The following ALPK2 variants were observed in gnomAD, a reference collection of about 807,000 sequenced individuals.
ALPK2 encodes the protein alpha-protein kinase 2.
Under a neutral mutation model 163.1 loss-of-function variants are expected in ALPK2, and 127 were observed. The observed-to-expected ratio is 0.78, with a 90% CI of 0.67 to 0.90. The LOEUF (loss-of-function observed/expected upper bound fraction) is 0.90, where lower values mean the gene tolerates loss of function less well. Among genes scored for constraint, ALPK2 ranks in the 40% least tolerant of loss-of-function variants. ALPK2 has a pLI of 0.00. For synonymous variants in ALPK2, 953 were observed against 959.1 expected (o/e 0.99, Z 0.12); for missense variants, 2,360 against 2,589.6 (o/e 0.91, Z 1.92).
At chr18:58,618,124 C>A (rs903490138) in intron 1 of ALPK2, among the ~76,000 whole-genome samples, 5 of 152,230 alleles carry the variant, frequency 3.3e-5, no homozygotes, top group Non-Finnish European at 7.3e-5. Flanking sequence ...CGGGTCACGG[C>A]AACCTCCACC....
At chr18:58,514,352 T>G (rs1234399313) in intron 10 of ALPK2, among the ~76,000 whole-genome samples, 1 of 152,208 alleles carries the variant, frequency 6.6e-6, no homozygotes, top group Non-Finnish European at 1.5e-5. Flanking sequence ...AGTTCCAACA[T>G]GCACTAGCTA....
intron 4 of ALPK2, among the ~76,000 whole-genome samples, chr18:58,539,341 G>A (rs964213178): frequency 6.6e-6 from 1 of 152,156 alleles, no homozygotes; most frequent in Non-Finnish European, 1.5e-5. Context: ...AAAGGGGAGA[G>A]GGGGAGGGAG....
At chr18:58,558,301 C>T (rs2051805322) in intron 4 of ALPK2, among the ~76,000 whole-genome samples, 1 of 151,704 alleles carries the variant, frequency 6.6e-6, no homozygotes, top group Non-Finnish European at 1.5e-5. Context: ...GACTTAATAC[C>T]AAAAAAATGT....
intron 6 of ALPK2, 114 bp from the exon 7 acceptor site, chr18:58,524,176 G>T: frequency 7.1e-7 from 1 of 1,409,756 alleles, no homozygotes; most frequent in Non-Finnish European, 9.5e-7. Context: ...TTTTCAGCCA[G>T]TGAGCTGCCC....
chr18:58,592,841 G>A (rs1267066530), intron 3 of ALPK2, among the ~76,000 whole-genome samples: 1 of 152,238 alleles, frequency 6.6e-6, no homozygotes, highest in Non-Finnish European at 1.5e-5. Flanking sequence ...CCACTTGACA[G>A]CTCTGGACAA....
intron 4 of ALPK2, among the ~76,000 whole-genome samples, chr18:58,571,341 T>C (rs1203113398): frequency 6.6e-6 from 1 of 150,808 alleles, no homozygotes; most frequent in Non-Finnish European, 1.5e-5. Flanking sequence ...ACTTACTGGG[T>C]GCCTGGCACT....
At chr18:58,553,935 C>A (rs2051774826) in intron 4 of ALPK2, among the ~76,000 whole-genome samples, 1 of 129,988 alleles carries the variant, frequency 7.7e-6, no homozygotes, top group Admixed American at 8.9e-5. Flanking sequence ...GATCTTGGCT[C>A]ACTGAAACCT....
Position 58,578,986 on chromosome 18 carries a change from G to A in ALPK2, c.1790C>T (p.Ala597Val). Residue 597 changes from alanine (A) to valine (V), a missense_variant, in exon 4 of 13, where the codon GCT (alanine) becomes GTT (valine). Physicochemically the swap from Ala to Val is moderately conservative, Grantham distance 64. Coordinates refer to ENST00000361673, the MANE Select transcript of ALPK2 (RefSeq NM_052947.4). ...TAAATGRSSH[A>V]DARECAISTQ... ...TGAAATAGCACATTCTCTTGCATCA[G>A]CATGGGAACTCCGACCAGTCGCTGC... is the stretch of plus-strand genomic sequence containing the variant. The A allele has an allele frequency of 6.2e-7, 1 of 1,614,202 alleles. No homozygotes were observed. Among genetic ancestry groups the A allele is most frequent in the Non-Finnish European group, 8.5e-7 (1 of 1,180,034 alleles).
chr18:58,496,442 C>A (rs1029798087), intron 12 of ALPK2, among the ~76,000 whole-genome samples: 1 of 152,150 alleles, frequency 6.6e-6, no homozygotes, highest in African/African-American at 2.4e-5. Flanking sequence ...GGGAAAAGGT[C>A]CAAACCGCAT....
chr18:58,497,981 A>C, intron 12 of ALPK2, 68 bp downstream of exon 12: 3 of 1,444,742 alleles, frequency 2.1e-6, no homozygotes, highest in Middle Eastern at 3.5e-4. Context: ...TCAGCCTGAC[A>C]GTGTCTGCCT....
chr18:58,602,764 G>A (rs993190752), intron 3 of ALPK2, among the ~76,000 whole-genome samples: 1 of 152,120 alleles, frequency 6.6e-6, no homozygotes, highest in Non-Finnish European at 1.5e-5. Context: ...ACAGGAGGTC[G>A]GCATAAGATA....
chr18:58,579,456 C>T lies in ALPK2; in HGVS notation c.1320G>A (p.Thr440=), dbSNP rs749447061. The part of the protein sequence containing the change: ...TLILGPHQDG[T]SSVTEQGRYK... ...ATCTCCCCTGTTCTGTCACTGAAGA[C>T]GTTCCATCCTGGTGAGGTCCCAAAA... is the stretch of plus-strand genomic sequence containing the variant. The change falls in exon 4 of 13, where the codon ACG becomes ACA. Residue 440 remains threonine, a synonymous_variant. Transcript: ENST00000361673. 16 of 1,613,954 alleles carry T rather than the reference C, an allele frequency of 9.9e-6. No individual in the cohort carries two copies. Among genetic ancestry groups the T allele is most frequent in the Non-Finnish European group, 1.2e-5 (14 of 1,180,026 alleles).
intron 4 of ALPK2, among the ~76,000 whole-genome samples, chr18:58,577,227 C>A (rs1479176862): frequency 1.3e-5 from 2 of 152,212 alleles, no homozygotes; most frequent in Admixed American, 6.5e-5. Flanking sequence ...GGGGGCTCTT[C>A]CCTCCAGCTC....
At position 58,579,081 on chromosome 18, in the gene ALPK2, G is replaced by A. The variant is rs1389411047; in HGVS notation, c.1695C>T (p.Cys565=). 2.5e-6 allele frequency: 4 copies of A among 1,614,246 alleles called. No homozygotes were observed. Among genetic ancestry groups the A allele is most frequent in the African/African-American group, 1.3e-5 (1 of 75,062 alleles). ...GGGGCTCAGCAGATTCTTTGGCAGA[G>A]CAGAGATGAAGGGTACCTTCTGTTG... ...ESTTEGTLHL[C]SAKESAEPPL... The change falls in exon 4 of 13, where the codon TGC becomes TGT. Residue 565 remains cysteine, a synonymous_variant. Coordinates refer to ENST00000361673, the MANE Select transcript of ALPK2 (RefSeq NM_052947.4).
At chr18:58,502,607 C>T (rs2051438271) in intron 11 of ALPK2, among the ~76,000 whole-genome samples, 1 of 152,174 alleles carries the variant, frequency 6.6e-6, no homozygotes, top group Non-Finnish European at 1.5e-5. Context: ...GGGACAATAT[C>T]TGACATTTGG....
intron 12 of ALPK2, among the ~76,000 whole-genome samples, chr18:58,493,537 T>G (rs1191631422): frequency 6.6e-6 from 1 of 152,086 alleles, no homozygotes; most frequent in African/African-American, 2.4e-5. Context: ...GGCAGAGCCT[T>G]TCTTTTGGAA....
At chr18:58,592,139 A>G (rs1310553804) in intron 3 of ALPK2, among the ~76,000 whole-genome samples, 1 of 152,214 alleles carries the variant, frequency 6.6e-6, no homozygotes, top group African/African-American at 2.4e-5. Flanking sequence ...GCCCCCAATG[A>G]GCAGGAACAC....
intron 10 of ALPK2, among the ~76,000 whole-genome samples, chr18:58,512,998 TTGTGTGTTTATGTGGGG>T: frequency 7.4e-6 from 1 of 135,406 alleles, no homozygotes; most frequent in African/African-American, 2.9e-5. Context: ...GTGGTGTGTG[TTGTGTGTTTATGTGGGG>T]TGTGTGTGGT....
intron 11 of ALPK2, among the ~76,000 whole-genome samples, 160 bp downstream of exon 11, chr18:58,503,771 A>G (rs1284005616): frequency 6.6e-6 from 1 of 152,280 alleles, no homozygotes; most frequent in East Asian, 1.9e-4. Flanking sequence ...CCTTTATCAA[A>G]TCTTGTTTCT....
Sources: allele counts gnomAD v4.1 joint callset (sites outside exome capture counted in the v4.1 genomes callset), GRCh38; gene constraint gnomAD v4.1.1; transcripts MANE v1.5; gene names NCBI Gene and HGNC (gene_info 2026-07-23, HGNC 2026-07-21).